The following C3orf70 variants were observed in gnomAD, a reference collection of about 807,000 sequenced individuals.
The protein encoded by C3orf70 is chromosome 3 open reading frame 70, also known as UPF0524 protein C3orf70.
In C3orf70, 15 loss-of-function variants were observed where a neutral mutation model predicts 20.7. The observed-to-expected ratio is 0.72, with a 90% CI of 0.48 to 1.11. The LOEUF (loss-of-function observed/expected upper bound fraction) is 1.11, where lower values mean the gene tolerates loss of function less well. Among genes scored for constraint, C3orf70 ranks in the 50% most tolerant of loss-of-function variants. The probability of loss-of-function intolerance (pLI) is 0.00; values close to 1 mark genes in which losing one functional copy is unlikely to be tolerated. For synonymous variants in C3orf70, 161 were observed against 125.7 expected, an observed-to-expected ratio of 1.28 and a Z score of -1.88; for missense variants, 332 against 317.6, an observed-to-expected ratio of 1.05 and a Z score of -0.34.
At chr3:185,122,121 G>C (rs1231913756) in intron 1 of C3orf70, among the ~76,000 whole-genome samples, 1 of 145,738 alleles carries the variant, frequency 6.9e-6, no homozygotes, top group South Asian at 2.2e-4. Flanking sequence ...AAAAAAGCAA[G>C]AGTATAAAGG....
At chr3:185,139,213 G>A (rs1465422191) in intron 1 of C3orf70, among the ~76,000 whole-genome samples, 2 of 149,594 alleles carry the variant, frequency 1.3e-5, no homozygotes. Context: ...AGAGGAAGAA[G>A]GGGCAAGAAA....
intron 1 of C3orf70, among the ~76,000 whole-genome samples, chr3:185,129,145 G>C (rs1240484258): frequency 6.6e-6 from 1 of 152,076 alleles, no homozygotes; most frequent in African/African-American, 2.4e-5. Flanking sequence ...GGGTACATAT[G>C]TGCAGGATGG....
At chr3:185,111,877 G>T (rs1307218234) in intron 1 of C3orf70, among the ~76,000 whole-genome samples, 2 of 152,172 alleles carry the variant, frequency 1.3e-5, no homozygotes, top group Non-Finnish European at 2.9e-5. Context: ...TATATTATTT[G>T]CCTGACAAAG....
At chr3:185,119,200 C>A (rs1329340163) in intron 1 of C3orf70, among the ~76,000 whole-genome samples, 1 of 152,142 alleles carries the variant, frequency 6.6e-6, no homozygotes, top group Non-Finnish European at 1.5e-5. Flanking sequence ...TATGAGGTTG[C>A]CTCTCCTAAA....
chr3:185,096,852 C>T (rs1440365635), intron 1 of C3orf70, among the ~76,000 whole-genome samples: 5 of 152,146 alleles, frequency 3.3e-5, no homozygotes, highest in South Asian at 2.1e-4. Flanking sequence ...TTGCCTGTGC[C>T]CACCTGCACT....
At chr3:185,088,921 A>AAGAT (rs1715511950) in intron 1 of C3orf70, among the ~76,000 whole-genome samples, 1 of 152,210 alleles carries the variant, frequency 6.6e-6, no homozygotes, top group Admixed American at 6.5e-5. Flanking sequence ...TGTGAAATTG[A>AAGAT]AGATACTGGG....
chr3:185,077,677 C>T lies in C3orf70; in HGVS notation c.*5330G>A, dbSNP rs1347824008. ...CCAAGCTCTGCCGGGCAGCAGCCTC[C>T]CTCGATGCCTGATCTTCAGTTAGAA... On this transcript the variant is annotated 3_prime_UTR_variant, in exon 2 of 2. Coordinates refer to ENST00000335012, the MANE Select transcript of C3orf70 (RefSeq NM_001025266.3). Among the ~76,000 whole-genome samples, 1 of 151,804 alleles carries T rather than the reference C, an allele frequency of 6.6e-6. No individual in the cohort carries two copies. Among genetic ancestry groups the T allele is most frequent in the African/African-American group, 2.4e-5 (1 of 41,328 alleles).
At chr3:185,144,882 T>C (rs1000143216) in intron 1 of C3orf70, among the ~76,000 whole-genome samples, 27 of 152,200 alleles carry the variant, frequency 1.8e-4, no homozygotes, top group Admixed American at 6.5e-4. Flanking sequence ...ACTGGGACTA[T>C]AGGCACCCAC....
chr3:185,148,951 C>T (rs190466776), intron 1 of C3orf70, among the ~76,000 whole-genome samples: 2 of 152,296 alleles, frequency 1.3e-5, no homozygotes, highest in African/African-American at 4.8e-5. Flanking sequence ...AGATTAAAAT[C>T]AACCACATAA....
intron 1 of C3orf70, among the ~76,000 whole-genome samples, chr3:185,144,288 C>T (rs1383094741): frequency 6.6e-6 from 1 of 152,010 alleles, no homozygotes; most frequent in Non-Finnish European, 1.5e-5. Context: ...AAGTAACTTC[C>T]CCAAACCATG....
At chr3:185,096,845 C>G (rs1046044640) in intron 1 of C3orf70, among the ~76,000 whole-genome samples, 2 of 152,148 alleles carry the variant, frequency 1.3e-5, no homozygotes, top group African/African-American at 4.8e-5. Flanking sequence ...TTGCTGATTG[C>G]CTGTGCCCAC....
At chr3:185,085,713 G>GAGGTGGTATGGT (rs143585542) in intron 1 of C3orf70, among the ~76,000 whole-genome samples, 3,157 of 152,026 alleles carry the variant, frequency 0.021, 116 homozygotes, top group African/African-American at 0.072. Context: ...TCAGATGTAA[G>GAGGTGGTATGGT]AGGTGGTATG....
intron 1 of C3orf70, among the ~76,000 whole-genome samples, chr3:185,092,412 CCT>C (rs1212272249): frequency 2.0e-5 from 3 of 151,978 alleles, no homozygotes; most frequent in Non-Finnish European, 2.9e-5. Flanking sequence ...TCCATAAACT[CCT>C]CTCTGTCCAG....
chr3:185,110,381 G>A (rs1716045784), intron 1 of C3orf70, among the ~76,000 whole-genome samples: 1 of 152,224 alleles, frequency 6.6e-6, no homozygotes, highest in South Asian at 2.1e-4. Context: ...AAAACACTTG[G>A]AAGCTCTGTG....
intron 1 of C3orf70, among the ~76,000 whole-genome samples, chr3:185,148,741 A>G (rs984244272): frequency 6.6e-6 from 1 of 152,194 alleles, no homozygotes; most frequent in Non-Finnish European, 1.5e-5. Context: ...TTAATAATCT[A>G]TTTTTGACAG....
chr3:185,093,442 C>T (rs1297538079), intron 1 of C3orf70, among the ~76,000 whole-genome samples: 1 of 152,120 alleles, frequency 6.6e-6, no homozygotes, highest in African/African-American at 2.4e-5. Flanking sequence ...TTTAGTCCTA[C>T]CTGAAGCCAA....
chr3:185,148,557 T>C (rs1374852003), intron 1 of C3orf70, among the ~76,000 whole-genome samples: 1 of 152,174 alleles, frequency 6.6e-6, no homozygotes, highest in East Asian at 1.9e-4. Context: ...GCCACAAAAT[T>C]CTACTTTACA....
At chr3:185,110,314 G>T (rs1716045031) in intron 1 of C3orf70, among the ~76,000 whole-genome samples, 1 of 152,222 alleles carries the variant, frequency 6.6e-6, no homozygotes, top group South Asian at 2.1e-4. Context: ...GCCAGGAACT[G>T]GAGTGCTTGA....
intron 1 of C3orf70, among the ~76,000 whole-genome samples, chr3:185,102,904 CAA>C (rs1420167074): frequency 4.6e-5 from 7 of 152,118 alleles, no homozygotes; most frequent in African/African-American, 1.7e-4. Context: ...AAAATTAACT[CAA>C]GATAGATAAA....
Sources: allele counts gnomAD v4.1 joint callset (sites outside exome capture counted in the v4.1 genomes callset), GRCh38; gene constraint gnomAD v4.1.1; transcripts MANE v1.5; gene names NCBI Gene and HGNC (gene_info 2026-07-23, HGNC 2026-07-21).